The following APBB2 variants were observed in gnomAD, a reference collection of about 807,000 sequenced individuals.
The protein encoded by APBB2 is amyloid beta precursor protein binding family B member 2.
Under a neutral mutation model 82.5 loss-of-function variants are expected in APBB2, and 38 were observed. The ratio of observed to expected loss-of-function variants is 0.46; its 90% CI spans 0.36 to 0.60. The LOEUF (loss-of-function observed/expected upper bound fraction) is 0.60. Among genes scored for constraint, APBB2 ranks in the 20% least tolerant of loss-of-function variants. APBB2 has a pLI of 0.00. For synonymous variants in APBB2, 341 were observed against 368.2 expected, an observed-to-expected ratio of 0.93 and a Z score of 0.85; for missense variants, 772 against 972.3, an observed-to-expected ratio of 0.79 and a Z score of 2.74.
chr4:41,128,317 G>A (rs772462725), intron 2 of APBB2, among the ~76,000 whole-genome samples: 1 of 152,172 alleles, frequency 6.6e-6, no homozygotes, highest in Non-Finnish European at 1.5e-5. Context: ...TGCCATTGAT[G>A]GGAATGTAAA....
intron 6 of APBB2, among the ~76,000 whole-genome samples, chr4:40,999,421 CA>C (rs1199999385): frequency 6.6e-6 from 1 of 152,136 alleles, no homozygotes; most frequent in Non-Finnish European, 1.5e-5. Context: ...CTAGCCTGGG[CA>C]AAGAGTGACA....
intron 4 of APBB2, among the ~76,000 whole-genome samples, chr4:41,060,171 C>T (rs1021700770): frequency 6.6e-6 from 1 of 151,924 alleles, no homozygotes; most frequent in Non-Finnish European, 1.5e-5. Flanking sequence ...AAACAATTTA[C>T]CAAAAGAGAC....
chr4:41,065,320 A>G lies in APBB2; in HGVS notation c.-51+256T>C, dbSNP rs185134379. Reference sequence around the variant, plus strand: ...AGAAAAATTTGGAAAAAAAGAATGGATGCACAGAAACAGAAAAAGGAGATT... The same window carrying G: ...AGAAAAATTTGGAAAAAAAGAATGGGTGCACAGAAACAGAAAAAGGAGATT... On this transcript the variant is annotated intron_variant, in intron 4 of 17. Coordinates refer to ENST00000508593, the MANE Select transcript of APBB2 (RefSeq NM_004307.2). Among the ~76,000 whole-genome samples the G allele has an allele frequency of 1.9e-3, 294 of 152,260 alleles. 1 individual carries two copies. The highest frequency in any genetic ancestry group is 3.6e-3 in the Non-Finnish European group (242 of 68,012).
At chr4:40,829,180 C>A (rs1750985685) in intron 13 of APBB2, among the ~76,000 whole-genome samples, 1 of 152,154 alleles carries the variant, frequency 6.6e-6, no homozygotes, top group African/African-American at 2.4e-5. Context: ...GATGTGGTTG[C>A]CAAGAACATC....
intron 5 of APBB2, among the ~76,000 whole-genome samples, chr4:41,015,964 TA>T (rs1200936148): frequency 6.6e-6 from 1 of 152,236 alleles, no homozygotes; most frequent in Non-Finnish European, 1.5e-5. Flanking sequence ...TGGCTACAAC[TA>T]TTATACCATT....
At chr4:40,948,259 T>C (rs1354638078) in intron 6 of APBB2, among the ~76,000 whole-genome samples, 1 of 152,222 alleles carries the variant, frequency 6.6e-6, no homozygotes, top group Admixed American at 6.5e-5. Context: ...TTAACCTTCA[T>C]AGCCCAATCT....
intron 3 of APBB2, among the ~76,000 whole-genome samples, chr4:41,073,678 G>A (rs1218395826): frequency 1.3e-5 from 2 of 151,894 alleles, no homozygotes; most frequent in African/African-American, 4.8e-5. Context: ...CCGTGGTAAT[G>A]GTCTCTTGGA....
At chr4:41,134,072 G>A (rs1446554584) in intron 2 of APBB2, among the ~76,000 whole-genome samples, 3 of 152,180 alleles carry the variant, frequency 2.0e-5, no homozygotes, top group Admixed American at 2.0e-4. Context: ...CTGGGCTCAA[G>A]TGGTCCACCC....
chr4:40,864,126 G>C (rs892136219), intron 12 of APBB2, among the ~76,000 whole-genome samples: 1 of 151,776 alleles, frequency 6.6e-6, no homozygotes, highest in African/African-American at 2.4e-5. Context: ...GTGTGGTGGC[G>C]CCGAGTAATC....
chr4:41,084,271 A>G (rs1319716705), intron 3 of APBB2, among the ~76,000 whole-genome samples: 16 of 152,194 alleles, frequency 1.1e-4, no homozygotes. Flanking sequence ...CTGAAAATAC[A>G]AAATTAACCA....
At chr4:41,190,241 A>ATTTTTTTTTT (rs1160837303) in intron 1 of APBB2, among the ~76,000 whole-genome samples, 1 of 71,808 alleles carries the variant, frequency 1.4e-5, no homozygotes, top group African/African-American at 5.7e-5. Flanking sequence ...TACATAGGCT[A>ATTTTTTTTTT]TTTTTTTTTT....
chr4:40,820,930 G>T (rs939270519), intron 17 of APBB2, among the ~76,000 whole-genome samples: 1 of 151,908 alleles, frequency 6.6e-6, no homozygotes, highest in Non-Finnish European at 1.5e-5. Flanking sequence ...GTGCAATGAC[G>T]CGATCTCGGT....
intron 3 of APBB2, among the ~76,000 whole-genome samples, chr4:41,066,077 AGC>A: frequency 9.1e-6 from 1 of 109,634 alleles, no homozygotes; most frequent in African/African-American, 3.1e-5. Flanking sequence ...AAACTTTAAA[AGC>A]TTGAAATGAG....
chr4:40,904,053 T>C (rs6854771), intron 10 of APBB2, among the ~76,000 whole-genome samples: 5,860 of 152,264 alleles, frequency 0.038, 368 homozygotes, highest in African/African-American at 0.13. Flanking sequence ...TGTCATCTCC[T>C]AGTTACTGTA....
At chr4:41,185,978 C>T (rs992499193) in intron 1 of APBB2, among the ~76,000 whole-genome samples, 2 of 152,168 alleles carry the variant, frequency 1.3e-5, no homozygotes, top group African/African-American at 4.8e-5. Flanking sequence ...ACTAGAGCTA[C>T]TATACTGGTC....
chr4:40,940,217 C>T (rs1425025802), intron 7 of APBB2, among the ~76,000 whole-genome samples: 1 of 152,128 alleles, frequency 6.6e-6, no homozygotes, highest in East Asian at 1.9e-4. Flanking sequence ...GGGGTAAGAG[C>T]AGTAGCTCTG....
chr4:40,964,834 A>G (rs1050215901), intron 6 of APBB2, among the ~76,000 whole-genome samples: 31 of 151,572 alleles, frequency 2.0e-4, no homozygotes, highest in African/African-American at 6.8e-4. Flanking sequence ...ACACATTAGA[A>G]TAGTAGCCGG....
chr4:41,107,045 C>A (rs1313514705), intron 2 of APBB2, among the ~76,000 whole-genome samples: 9 of 152,096 alleles, frequency 5.9e-5, no homozygotes, highest in Admixed American at 2.0e-4. Context: ...CACAGTAGCT[C>A]ATGCCTATCA....
In APBB2 at chr4:41,085,251, A is replaced by C. The variant is rs1274338730; in HGVS notation, c.-149+15388T>G. ...GGGTGACAGAGTGAGACTCTGTCTC[A>C]AAAAAAAAAAAAAAAAAAGACTGAA... is the stretch of plus-strand genomic sequence containing the variant. On this transcript the variant is annotated intron_variant, in intron 3 of 17. Transcript: ENST00000508593. 5.8e-5 allele frequency among the ~76,000 whole-genome samples: 6 copies of C among 102,892 alleles called. No homozygotes were observed. In the East Asian group the frequency reaches 1.2e-3, roughly 21 times the overall value. The allele number at this position is 102,892 out of a possible 152,430, so 67.5% of individuals were successfully genotyped here.
Sources: gnomAD v4.1 joint callset for allele counts (sites outside exome capture counted in the v4.1 genomes callset) on GRCh38, gnomAD v4.1.1 for gene constraint, MANE v1.5 for transcripts, NCBI Gene and HGNC (gene_info 2026-07-23, HGNC 2026-07-21) for gene names.